CNTN4: variants seen among roughly 807,000 people sequenced by gnomAD.
CNTN4 encodes contactin 4, also known as contactin-4.
CNTN4 carries 77 observed loss-of-function variants against 122.5 expected under a neutral mutation model. The observed-to-expected ratio is 0.63, with a 90% CI of 0.52 to 0.76. The LOEUF is 0.76. Among genes scored for constraint, CNTN4 ranks in the 30% least tolerant of loss-of-function variants. CNTN4 has a pLI of 0.00. For synonymous variants in CNTN4, 512 were observed against 447.0 expected, an observed-to-expected ratio of 1.15 and a Z score of -1.83; for missense variants, 1,256 against 1,259.1, an observed-to-expected ratio of 1.00 and a Z score of 0.04.
chr3:2,636,469 A>T (rs1268932860), intron 4 of CNTN4, among the ~76,000 whole-genome samples: 1 of 152,214 alleles, frequency 6.6e-6, no homozygotes, highest in African/African-American at 2.4e-5. Flanking sequence ...CCCAGGAATT[A>T]TTTATCTCTA....
intron 23 of CNTN4, among the ~76,000 whole-genome samples, chr3:3,052,120 A>G (rs1172591910): frequency 1.3e-5 from 2 of 152,212 alleles, no homozygotes; most frequent in Non-Finnish European, 2.9e-5. Flanking sequence ...CATGATGCCT[A>G]TCCCATATTA....
chr3:2,177,577 G>T (rs2036807801), intron 2 of CNTN4, among the ~76,000 whole-genome samples: 1 of 151,812 alleles, frequency 6.6e-6, no homozygotes, highest in Admixed American at 6.6e-5. Context: ...ACTTGTGTTT[G>T]GCTACTTAGG....
At chr3:2,499,778 G>A (rs1303487296) in intron 3 of CNTN4, among the ~76,000 whole-genome samples, 2 of 151,962 alleles carry the variant, frequency 1.3e-5, no homozygotes, top group Non-Finnish European at 2.9e-5. Context: ...AACCTTACAG[G>A]GAGTTTGATA....
intron 4 of CNTN4, among the ~76,000 whole-genome samples, chr3:2,658,965 G>GACACACACACACAC (rs67168398): frequency 7.2e-6 from 1 of 139,610 alleles, no homozygotes; most frequent in Non-Finnish European, 1.6e-5. Context: ...CACACAAACA[G>GACACACACACACAC]ACACACACAC....
At chr3:2,229,718 T>G in intron 2 of CNTN4, among the ~76,000 whole-genome samples, 1 of 152,162 alleles carries the variant, frequency 6.6e-6, no homozygotes, top group East Asian at 1.9e-4. Context: ...CACCAGAAAT[T>G]GTGCTAATTT....
intron 2 of CNTN4, among the ~76,000 whole-genome samples, chr3:2,224,943 G>A (rs1033003736): frequency 7.9e-5 from 12 of 151,720 alleles, no homozygotes; most frequent in African/African-American, 2.9e-4. Flanking sequence ...GAGGTCAGGA[G>A]ATGAAGACTA....
At chr3:2,971,473 G>A (rs955382549) in intron 13 of CNTN4, among the ~76,000 whole-genome samples, 1 of 151,994 alleles carries the variant, frequency 6.6e-6, no homozygotes, top group Admixed American at 6.5e-5. Context: ...CAAGAAACCT[G>A]GCAAATTGTA....
In CNTN4 at chr3:3,053,796, T is replaced by C; in HGVS notation, c.2812-11T>C. On this transcript the variant is annotated splice_polypyrimidine_tract_variant and intron_variant, in intron 23 of 24. Transcript: ENST00000418658. Reference sequence around the variant, plus strand: ...GACGGCAGGTGACACCTGTTCTTTCTGTATTGGCAGGTCTTGTACAGATGG... The same window carrying C: ...GACGGCAGGTGACACCTGTTCTTTCCGTATTGGCAGGTCTTGTACAGATGG... The C allele has an allele frequency of 6.2e-7, 1 of 1,614,118 alleles. No homozygotes were observed. Among genetic ancestry groups the C allele is most frequent in the Non-Finnish European group, 8.5e-7 (1 of 1,179,928 alleles).
rs143438315 is a variant in CNTN4, at chr3:2,281,225, A to T, written c.-144-57953A>T. Among the ~76,000 whole-genome samples, 236 of 152,210 alleles carry T rather than the reference A, an allele frequency of 1.6e-3. 2 individuals carry two copies. Among genetic ancestry groups the T allele is most frequent in the African/African-American group, 5.4e-3 (223 of 41,540 alleles). On this transcript the variant is annotated intron_variant, in intron 2 of 24. Coordinates refer to ENST00000418658, the MANE Select transcript of CNTN4 (RefSeq NM_175607.3). Reference sequence around the variant, plus strand: ...CTCTTAACATGGACAGCATTGTTGAACTCAGGATCTGAAGTCAGACAGCAT... The same window carrying T: ...CTCTTAACATGGACAGCATTGTTGATCTCAGGATCTGAAGTCAGACAGCAT...
chr3:2,781,897 G>A (rs1487850300), intron 6 of CNTN4, among the ~76,000 whole-genome samples: 2 of 75,372 alleles, frequency 2.7e-5, no homozygotes, highest in East Asian at 9.6e-4. Context: ...CTAATTTTTT[G>A]TATTTTTAGT....
At chr3:2,512,223 G>A (rs965852550) in intron 3 of CNTN4, among the ~76,000 whole-genome samples, 3 of 151,966 alleles carry the variant, frequency 2.0e-5, no homozygotes, top group Non-Finnish European at 4.4e-5. Flanking sequence ...ATGGAGGTGG[G>A]CAGGATAACT....
intron 4 of CNTN4, among the ~76,000 whole-genome samples, chr3:2,667,583 C>A (rs1486786808): frequency 6.6e-6 from 1 of 151,670 alleles, no homozygotes; most frequent in East Asian, 1.9e-4. Context: ...TGTGCAGAAG[C>A]TCTTTAGTTT....
intron 2 of CNTN4, among the ~76,000 whole-genome samples, chr3:2,265,752 TTA>T (rs1170829119): frequency 9.6e-6 from 1 of 104,616 alleles, no homozygotes; most frequent in Non-Finnish European, 2.2e-5. Context: ...CATCAGTGTT[TTA>T]TATATATATA....
chr3:2,584,758 C>T (rs547606173), intron 4 of CNTN4, among the ~76,000 whole-genome samples: 35 of 148,366 alleles, frequency 2.4e-4, no homozygotes, highest in Non-Finnish European at 3.9e-4. Context: ...ATTTCCCTCA[C>T]TATCAAATAA....
chr3:2,634,834 T>A (rs957212186), intron 4 of CNTN4, among the ~76,000 whole-genome samples: 5 of 151,764 alleles, frequency 3.3e-5, no homozygotes, highest in African/African-American at 1.2e-4. Context: ...CCAGCCTGGG[T>A]GACAGAGTGA....
intron 3 of CNTN4, among the ~76,000 whole-genome samples, chr3:2,389,032 G>A (rs1382860672): frequency 6.6e-6 from 1 of 151,654 alleles, no homozygotes; most frequent in African/African-American, 2.4e-5. Context: ...GTGGTGGTGT[G>A]TGCCTGTAAT....
chr3:2,986,541 C>T (rs112395483), intron 13 of CNTN4, among the ~76,000 whole-genome samples: 2 of 152,286 alleles, frequency 1.3e-5, no homozygotes, highest in African/African-American at 4.8e-5. Context: ...TGTAGCTTCT[C>T]CATCTGTAAG....
intron 2 of CNTN4, among the ~76,000 whole-genome samples, chr3:2,126,608 C>T (rs1425159101): frequency 6.6e-6 from 1 of 152,044 alleles, no homozygotes; most frequent in Non-Finnish European, 1.5e-5. Context: ...CTCCTTAGCA[C>T]GTAATTGTTT....
At chr3:2,796,425 C>G (rs1231443228) in intron 6 of CNTN4, among the ~76,000 whole-genome samples, 1 of 152,048 alleles carries the variant, frequency 6.6e-6, no homozygotes, top group Admixed American at 6.6e-5. Context: ...AAAAATATCA[C>G]TTGATTAGAT....
Sources: allele counts gnomAD v4.1 joint callset (sites outside exome capture counted in the v4.1 genomes callset), GRCh38; gene constraint gnomAD v4.1.1; transcripts MANE v1.5; gene names NCBI Gene and HGNC (gene_info 2026-07-23, HGNC 2026-07-21).